The following TMPRSS12 variants were observed in gnomAD, a reference collection of about 807,000 sequenced individuals.
The protein encoded by TMPRSS12 is transmembrane protease serine 12.
TMPRSS12 carries 25 observed loss-of-function variants against 26.0 expected under a neutral mutation model. The ratio of observed to expected loss-of-function variants is 0.96; its 90% CI spans 0.70 to 1.34. TMPRSS12 has a LOEUF of 1.34. Among genes scored for constraint, TMPRSS12 ranks in the 40% most tolerant of loss-of-function variants. The probability of loss-of-function intolerance (pLI) is 0.00; values close to 1 mark genes in which losing one functional copy is unlikely to be tolerated. For synonymous variants in TMPRSS12, 150 were observed against 161.7 expected (o/e 0.93, Z 0.55); for missense variants, 441 against 440.1 (o/e 1.00, Z -0.02).
At chr12:50,867,265 G>A (rs758225896) in intron 3 of TMPRSS12, among the ~76,000 whole-genome samples, 7 of 152,136 alleles carry the variant, frequency 4.6e-5, no homozygotes, top group Non-Finnish European at 7.4e-5. Context: ...AAATATTCAA[G>A]GAAATAGATA....
chr12:50,868,128 C>T (rs1176368863), intron 3 of TMPRSS12, among the ~76,000 whole-genome samples: 2 of 152,152 alleles, frequency 1.3e-5, no homozygotes, highest in African/African-American at 4.8e-5. Context: ...ACGATGAATG[C>T]AATGGTACCT....
intron 1 of TMPRSS12, 64 bp downstream of exon 1, chr12:50,843,215 T>G: frequency 7.0e-7 from 1 of 1,432,200 alleles, no homozygotes. Flanking sequence ...GCTATAGTCT[T>G]TGAATTCGGG....
chr12:50,885,272 GC>G lies in TMPRSS12; in HGVS notation c.680del (p.Ala227GlufsTer20). The stretch of plus-strand genomic sequence containing the variant: ...TAACGCTACAAATATTTTACAAGAT[GC>G]AGAAGTGCATTATATTTCTCGAGAG... ...EGNATNILQD[A>X]EVHYISREMC... On this transcript the variant is annotated frameshift_variant, in exon 4 of 5. Transcript: ENST00000398458. LOFTEE classifies it high-confidence loss of function. 6.2e-7 allele frequency: 1 copy of G among 1,607,980 alleles called. No individual in the cohort carries two copies. The highest frequency in any genetic ancestry group is 2.2e-5 in the East Asian group (1 of 44,788).
chr12:50,854,111 A>G (rs1002321302), intron 2 of TMPRSS12, among the ~76,000 whole-genome samples: 2 of 152,172 alleles, frequency 1.3e-5, no homozygotes, highest in African/African-American at 4.8e-5. Context: ...GCAGCACATC[A>G]AAAACTAATC....
chr12:50,845,726 C>T (rs796697997), intron 2 of TMPRSS12, among the ~76,000 whole-genome samples: 4 of 152,282 alleles, frequency 2.6e-5, no homozygotes, highest in African/African-American at 9.6e-5. Flanking sequence ...TGTCCCTCCA[C>T]CCTCCCTACT....
rs1565938773 is a variant in TMPRSS12, at chr12:50,885,335, C to T, written c.742C>T (p.Pro248Ser). The T allele has an allele frequency of 1.9e-6, 3 of 1,613,578 alleles. No homozygotes were observed. Among genetic ancestry groups the T allele is most frequent in the East Asian group, 2.2e-5 (1 of 44,858 alleles). The change falls in exon 4 of 5, where the codon CCT becomes TCT. Residue 248 changes from proline (P) to serine (S), a missense_variant. Physicochemically the swap from Pro to Ser is moderately conservative, Grantham distance 74. Coordinates refer to ENST00000398458, the MANE Select transcript of TMPRSS12 (RefSeq NM_182559.3). ...TGAGAGGAGTTATGGGGGAATAATT[C>T]CTAACACTTCATTTTGTGCAGGTGA... The part of the protein sequence containing the change: ...NSERSYGGII[P>S]NTSFCAGDED...
chr12:50,843,778 C>T, intron 1 of TMPRSS12, 64 bp from the exon 2 acceptor site: 2 of 1,463,604 alleles, frequency 1.4e-6, no homozygotes, highest in Non-Finnish European at 1.8e-6. Flanking sequence ...TTAATATGTT[C>T]AGCTTAGGAA....
Position 50,843,822 on chromosome 12 carries a change from T to C in TMPRSS12, c.188-20T>C. On this transcript the variant is annotated intron_variant, in intron 1 of 4. Transcript: ENST00000398458. Reference sequence around the variant, plus strand: ...TACTATAGATGCTCAGTCCAAATAATATATCATTTTTATTTTTAGATTGTG... The same window carrying C: ...TACTATAGATGCTCAGTCCAAATAACATATCATTTTTATTTTTAGATTGTG... 6.5e-7 allele frequency: 1 copy of C among 1,547,878 alleles called. No homozygotes were observed. Among genetic ancestry groups the C allele is most frequent in the Non-Finnish European group, 8.7e-7 (1 of 1,145,474 alleles).
At chr12:50,857,823 T>C (rs1427502215) in intron 2 of TMPRSS12, among the ~76,000 whole-genome samples, 2 of 144,510 alleles carry the variant, frequency 1.4e-5, no homozygotes, top group East Asian at 1.9e-4. Flanking sequence ...TTGTCGTTGT[T>C]GTTGTTGTTG....
chr12:50,856,114 G>C lies in TMPRSS12; in HGVS notation c.384-2671G>C, dbSNP rs1592218364. On this transcript the variant is annotated intron_variant, in intron 2 of 4. Coordinates refer to ENST00000398458, the MANE Select transcript of TMPRSS12 (RefSeq NM_182559.3). ...ATTGGGTACTATGCTCATTACATGG[G>C]TGGTGAAATAATCTGTACACCAAAA... 3.3e-5 allele frequency among the ~76,000 whole-genome samples: 5 copies of C among 152,192 alleles called. No individual in the cohort carries two copies. In the South Asian group the frequency reaches 1.0e-3, roughly 32 times the overall value.
At chr12:50,854,035 C>T (rs536056473) in intron 2 of TMPRSS12, among the ~76,000 whole-genome samples, 8 of 152,160 alleles carry the variant, frequency 5.3e-5, no homozygotes, top group African/African-American at 1.7e-4. Flanking sequence ...AAGAAAATTT[C>T]AGGCCAATAT....
chr12:50,876,471 A>G lies in TMPRSS12; in HGVS notation c.653-8775A>G, dbSNP rs530222628. Among the ~76,000 whole-genome samples the G allele has an allele frequency of 1.8e-3, 267 of 152,350 alleles. 5 individuals carry two copies. Among genetic ancestry groups the G allele is most frequent in the African/African-American group, 6.1e-3 (253 of 41,576 alleles). ...CTATGTTCATCGCAGCACTGTTTGTAATAGCAAAGACATGGAATCAACCAA... is the reference window on the plus strand; with the variant it reads ...CTATGTTCATCGCAGCACTGTTTGTGATAGCAAAGACATGGAATCAACCAA... On this transcript the variant is annotated intron_variant, in intron 3 of 4. Coordinates refer to ENST00000398458, the MANE Select transcript of TMPRSS12 (RefSeq NM_182559.3).
rs746634813 is a variant in TMPRSS12 at position 50,843,027 on chromosome 12, C to G, written c.63C>G (p.Asp21Glu). ...LFVGSSHLYS[D>E]HYSPSGRHRL... ...TGGGGAGCTCTCACTTATACTCAGA[C>G]CACTACTCGCCCTCTGGAAGGCACA... The change falls in exon 1 of 5, where the codon GAC (aspartate) becomes GAG (glutamate). Residue 21 changes from aspartate (D) to glutamate (E), a missense_variant. Coordinates refer to ENST00000398458, the MANE Select transcript of TMPRSS12 (RefSeq NM_182559.3). The G allele has an allele frequency of 1.2e-6, 2 of 1,606,262 alleles. No individual in the cohort carries two copies. Among genetic ancestry groups the G allele is most frequent in the Non-Finnish European group, 1.7e-6 (2 of 1,176,686 alleles).
At chr12:50,885,823 T>TA in intron 4 of TMPRSS12, 15 of 264,784 alleles carry the variant, frequency 5.7e-5, no homozygotes, top group Non-Finnish European at 7.6e-5. Context: ...GCCCGGCCAT[T>TA]CTTTTTTTTT....
intron 3 of TMPRSS12, among the ~76,000 whole-genome samples, chr12:50,882,039 AT>A (rs1305764126): frequency 1.6e-4 from 19 of 121,642 alleles, no homozygotes; most frequent in African/African-American, 5.2e-4. Context: ...ATATATATAT[AT>A]ATGTTTATTT....
At chr12:50,858,753 T>A (rs201892665) in intron 2 of TMPRSS12, 32 bp from the exon 3 acceptor site, 1 of 1,441,932 alleles carries the variant, frequency 6.9e-7, no homozygotes, top group South Asian at 1.6e-5. Flanking sequence ...TAATTAAAGA[T>A]ATTTATAATA....
At chr12:50,847,144 C>T (rs556099160) in intron 2 of TMPRSS12, among the ~76,000 whole-genome samples, 6 of 150,198 alleles carry the variant, frequency 4.0e-5, no homozygotes, top group South Asian at 2.1e-4. Flanking sequence ...CTGCAAGCTC[C>T]GCCTCCCGGG....
intron 2 of TMPRSS12, among the ~76,000 whole-genome samples, chr12:50,852,023 C>T (rs1442878785): frequency 6.6e-6 from 1 of 152,164 alleles, no homozygotes; most frequent in African/African-American, 2.4e-5. Flanking sequence ...ACCACCAGAC[C>T]TGCCTTACAA....
intron 3 of TMPRSS12, among the ~76,000 whole-genome samples, chr12:50,883,174 C>A (rs552424228): frequency 1.4e-4 from 22 of 152,038 alleles, no homozygotes; most frequent in African/African-American, 2.2e-4. Context: ...ACAAAAAAAA[C>A]CAAAAAATTA....
Sources: allele counts gnomAD v4.1 joint callset (sites outside exome capture counted in the v4.1 genomes callset), GRCh38; gene constraint gnomAD v4.1.1; transcripts MANE v1.5; gene names NCBI Gene and HGNC (gene_info 2026-07-23, HGNC 2026-07-21).